The following ARMC8 variants were observed in gnomAD, a reference collection of about 807,000 sequenced individuals.
ARMC8 encodes armadillo repeat containing 8.
In ARMC8, 20 loss-of-function variants were observed where a neutral mutation model predicts 99.3. The observed-to-expected ratio is 0.20, with a 90% CI of 0.14 to 0.29. The LOEUF is 0.29. ARMC8 is among the 10% of genes least tolerant of loss of function. The pLI is 1.00. For missense variants in ARMC8, 569 were observed against 809.5 expected (o/e 0.70, Z 3.60); for synonymous variants, 263 against 278.3 (o/e 0.95, Z 0.55).
At chr3:138,287,159 C>T (rs901194449) in intron 19 of ARMC8, among the ~76,000 whole-genome samples, 3 of 152,192 alleles carry the variant, frequency 2.0e-5, no homozygotes, top group African/African-American at 2.4e-5. Context: ...TAAATCAGAT[C>T]TTGTCCCTCC....
chr3:138,252,559 T>G (rs1295128762), intron 12 of ARMC8, among the ~76,000 whole-genome samples: 1 of 151,230 alleles, frequency 6.6e-6, no homozygotes, highest in Non-Finnish European at 1.5e-5. Context: ...GTTCAAGCGA[T>G]TCTCCTGCCT....
intron 14 of ARMC8, among the ~76,000 whole-genome samples, chr3:138,265,963 G>A (rs377269950): frequency 2.4e-4 from 36 of 152,192 alleles, no homozygotes; most frequent in African/African-American, 8.2e-4. Context: ...TAGATTGAGT[G>A]TATGATTCAC....
In ARMC8 at chr3:138,290,463, G is replaced by T. The variant is rs142436908; in HGVS notation, c.1895-83G>T. The T allele has an allele frequency of 7.4e-5, 77 of 1,034,588 alleles. 1 individual carries two copies. The highest frequency in any genetic ancestry group is 1.1e-4 in the Non-Finnish European group (74 of 688,494). The allele number at this position is 1,034,588 out of a possible 1,614,324, so 64.1% of individuals were successfully genotyped here. On this transcript the variant is annotated intron_variant, in intron 20 of 21. Transcript: ENST00000469044. Reference sequence around the variant, plus strand: ...GAGGAGTAGGGAGTGAAGGACACTGGTAAGGCTCTAGATTGTTAATTGTAC... The same window carrying T: ...GAGGAGTAGGGAGTGAAGGACACTGTTAAGGCTCTAGATTGTTAATTGTAC...
chr3:138,224,517 A>G (rs2045581275), intron 5 of ARMC8, among the ~76,000 whole-genome samples: 1 of 152,128 alleles, frequency 6.6e-6, no homozygotes, highest in Non-Finnish European at 1.5e-5. Flanking sequence ...TGGGAGTTCA[A>G]GATGGATATA....
chr3:138,220,837 G>A (rs991397091), intron 2 of ARMC8, among the ~76,000 whole-genome samples: 7 of 151,664 alleles, frequency 4.6e-5, no homozygotes, highest in South Asian at 2.1e-4. Flanking sequence ...CCACAAGTGC[G>A]TGCCACCACA....
At chr3:138,259,806 G>A (rs553931250) in intron 12 of ARMC8, among the ~76,000 whole-genome samples, 11 of 152,264 alleles carry the variant, frequency 7.2e-5, no homozygotes, top group South Asian at 2.1e-4. Context: ...AAAAGAAAGC[G>A]CAAAGCTACA....
chr3:138,263,950 G>T (rs2048002639), intron 13 of ARMC8, 129 bp downstream of exon 13: 5 of 1,020,704 alleles, frequency 4.9e-6, no homozygotes, highest in Non-Finnish European at 3.1e-6. Flanking sequence ...AATTCATAGA[G>T]TATATAACAT....
chr3:138,192,224 C>T (rs1233856495), intron 1 of ARMC8, among the ~76,000 whole-genome samples: 1 of 150,136 alleles, frequency 6.7e-6, no homozygotes, highest in East Asian at 1.9e-4. Context: ...TCTTAATTTG[C>T]ATTTCCCTAA....
At position 138,243,491 on chromosome 3, in the gene ARMC8, G is replaced by A. The variant is rs544742507; in HGVS notation, c.1038+1508G>A. 6.4e-4 allele frequency among the ~76,000 whole-genome samples: 98 copies of A among 152,280 alleles called. 1 individual carries two copies. The highest frequency in any genetic ancestry group is 1.2e-3 in the Non-Finnish European group (80 of 68,022). On this transcript the variant is annotated intron_variant, in intron 11 of 21. Transcript: ENST00000469044. ...TTATATCTTAATTTATGACTAGAAT[G>A]TAGTTAAGACTTTAAGAGTAGATAC... is the stretch of plus-strand genomic sequence containing the variant.
At chr3:138,188,307 A>G in intron 1 of ARMC8, 2 of 1,090,766 alleles carry the variant, frequency 1.8e-6, no homozygotes, top group Non-Finnish European at 2.5e-6. Flanking sequence ...TGAAGGGGGG[A>G]AAAGGGGGTG....
chr3:138,200,904 CTTTTTTTTTTTTTTT>C (rs34087212), intron 1 of ARMC8, among the ~76,000 whole-genome samples: 9 of 63,350 alleles, frequency 1.4e-4, no homozygotes, highest in Admixed American at 2.4e-4. Flanking sequence ...CTTCAGTGGG[CTTTTTTTTTTTTTTT>C]TTTTTTTTTT....
chr3:138,188,443 C>T, intron 1 of ARMC8: 3 of 1,603,610 alleles, frequency 1.9e-6, no homozygotes, highest in Non-Finnish European at 2.6e-6. Context: ...CACTATGTTG[C>T]TCTTGAACCA....
intron 1 of ARMC8, among the ~76,000 whole-genome samples, chr3:138,198,867 T>C (rs1182451278): frequency 1.3e-5 from 2 of 152,170 alleles, no homozygotes; most frequent in African/African-American, 4.8e-5. Flanking sequence ...CTGATTAATT[T>C]ACTATTTATT....
Position 138,225,553 on chromosome 3 carries a change from A to G in ARMC8, c.435+1820A>G, listed in dbSNP as rs890183449. Among the ~76,000 whole-genome samples the G allele has an allele frequency of 2.7e-4, 41 of 152,330 alleles. 1 individual carries two copies. The highest frequency in any genetic ancestry group is 3.4e-3 in the Middle Eastern group (1 of 294). On this transcript the variant is annotated intron_variant, in intron 5 of 21. Coordinates refer to ENST00000469044, the MANE Select transcript of ARMC8 (RefSeq NM_001363941.2). ...CAAGAAGCATATTTTCCATTGCCTC[A>G]CTATACATGTCAGTTTGTGTATGTG...
chr3:138,276,058 G>A (rs950959634), intron 18 of ARMC8, among the ~76,000 whole-genome samples: 1 of 152,174 alleles, frequency 6.6e-6, no homozygotes, highest in Non-Finnish European at 1.5e-5. Flanking sequence ...AACTTGAAAA[G>A]CGAAGCAAGA....
Position 138,187,567 on chromosome 3 carries a change from T to G in ARMC8, c.13T>G (p.Leu5Val), listed in dbSNP as rs1202991660. MACL[L>V]ETPIRMSVLS... is the part of the protein sequence containing the mutation. ...GGGAAGGCTCAAGATGGCGTGCTTG[T>G]TGGAGACCCCAATCCGCATGAGCGT... The change falls in exon 1 of 22, where the codon TTG (leucine) becomes GTG (valine). Residue 5 changes from leucine (L) to valine (V), a missense_variant. Leu to Val is a conservative substitution (Grantham distance 32). Transcript: ENST00000469044. 1 of 1,535,732 alleles carries G rather than the reference T, an allele frequency of 6.5e-7. No individual in the cohort carries two copies. Among genetic ancestry groups the G allele is most frequent in the African/African-American group, 1.4e-5 (1 of 73,038 alleles).
rs980406822 is a variant in ARMC8, at chr3:138,260,326, G to C, written c.1135-3413G>C. ...CCTTATTCACCTGCTGATTACAAAA[G>C]ATTGGAGATAAAATAATCATTACTG... On this transcript the variant is annotated intron_variant, in intron 12 of 21. Coordinates refer to ENST00000469044, the MANE Select transcript of ARMC8 (RefSeq NM_001363941.2). 2.0e-5 allele frequency among the ~76,000 whole-genome samples: 3 copies of C among 152,170 alleles called. No individual in the cohort carries two copies. In the South Asian group the frequency reaches 6.2e-4, roughly 32 times the overall value.
chr3:138,274,614 T>C, intron 18 of ARMC8, 70 bp downstream of exon 18: 1 of 1,152,178 alleles, frequency 8.7e-7, no homozygotes, highest in East Asian at 2.4e-5. Flanking sequence ...AAGAGTCTCC[T>C]GAAATATTCA....
At position 138,187,575 on chromosome 3, in the gene ARMC8, C is replaced by T; in HGVS notation, c.21C>T (p.Thr7=). ...TCAAGATGGCGTGCTTGTTGGAGAC[C>T]CCAATCCGCATGAGCGTCCTTTCGG... is the stretch of plus-strand genomic sequence containing the variant. MACLLE[T]PIRMSVLSEV... The change falls in exon 1 of 22, where the codon ACC becomes ACT. Residue 7 remains threonine, a synonymous_variant. Transcript: ENST00000469044. The T allele has an allele frequency of 3.3e-6, 5 of 1,535,856 alleles. No homozygotes were observed. The highest frequency in any genetic ancestry group is 8.7e-7 in the Non-Finnish European group (1 of 1,146,710).
Sources: allele counts gnomAD v4.1 joint callset (sites outside exome capture counted in the v4.1 genomes callset), GRCh38; gene constraint gnomAD v4.1.1; transcripts MANE v1.5; gene names NCBI Gene and HGNC (gene_info 2026-07-23, HGNC 2026-07-21).